Variants in CHDH observed in about 807,000 individuals in gnomAD.
CHDH encodes choline dehydrogenase, also known as choline dehydrogenase, mitochondrial.
Under a neutral mutation model 56.9 loss-of-function variants are expected in CHDH, and 43 were observed. That is an observed-to-expected ratio of 0.76 (90% CI 0.59 to 0.97). The LOEUF (loss-of-function observed/expected upper bound fraction) is 0.97. Among genes scored for constraint, CHDH ranks in the 50% least tolerant of loss-of-function variants. CHDH has a pLI of 0.00. For missense variants in CHDH, 816 were observed against 821.1 expected, an observed-to-expected ratio of 0.99 and a Z score of 0.08; for synonymous variants, 364 against 348.5, an observed-to-expected ratio of 1.04 and a Z score of -0.50.
chr3:53,818,124 G>A lies in CHDH; in HGVS notation c.1438C>T (p.Pro480Ser), dbSNP rs2095619137. 1 of 1,613,984 alleles carries A rather than the reference G, an allele frequency of 6.2e-7. No homozygotes were observed. The highest frequency in any genetic ancestry group is 8.5e-7 in the Non-Finnish European group (1 of 1,180,030). ...GGCTGGAGCTCTTTCCCTCGGAACG[G>A]AGCCAGGGCTTCCTGTGCAAAAATT... ...REIFAQEALAPFRGKELQPGS... is the reference protein window; with the variant it reads ...REIFAQEALASFRGKELQPGS... Residue 480 changes from proline to serine, a missense_variant, in exon 9 of 9, where the codon CCG becomes TCG. Transcript: ENST00000315251.
At chr3:53,820,211 C>T (rs979846651) in intron 6 of CHDH, among the ~76,000 whole-genome samples, 1 of 152,196 alleles carries the variant, frequency 6.6e-6, no homozygotes, top group Non-Finnish European at 1.5e-5. Flanking sequence ...AGGAGCAGCC[C>T]CTAAGCCCCG....
chr3:53,818,144 A>G lies in CHDH; in HGVS notation c.1418T>C (p.Phe473Ser). ...RLCVKLTREI[F>S]AQEALAPFRG... is the part of the protein sequence containing the mutation. ...GAACGGAGCCAGGGCTTCCTGTGCAAAAATTTCTCTGGTGAGCTTCACACA... is the reference window on the plus strand; with the variant it reads ...GAACGGAGCCAGGGCTTCCTGTGCAGAAATTTCTCTGGTGAGCTTCACACA... The change falls in exon 9 of 9, where the codon TTT becomes TCT. Residue 473 changes from phenylalanine (F) to serine (S), a missense_variant. Physicochemically the swap from Phe to Ser is radical, Grantham distance 155. Transcript: ENST00000315251. 6.2e-7 allele frequency: 1 copy of G among 1,613,458 alleles called. No homozygotes were observed. Among genetic ancestry groups the G allele is most frequent in the Non-Finnish European group, 8.5e-7 (1 of 1,179,844 alleles).
chr3:53,818,053 C>T lies in CHDH; in HGVS notation c.1509G>A (p.Arg503=), dbSNP rs1178400213. 1.2e-6 allele frequency: 2 copies of T among 1,614,214 alleles called. No homozygotes were observed. Among genetic ancestry groups the T allele is most frequent in the South Asian group, 2.2e-5 (2 of 91,088 alleles). The change falls in exon 9 of 9, where the codon CGG becomes CGA. Residue 503 remains arginine, a synonymous_variant. Coordinates refer to ENST00000315251, the MANE Select transcript of CHDH (RefSeq NM_018397.5). The stretch of plus-strand genomic sequence containing the variant: ...GGTGGTAGGCGCTGTCGGCTTTTGC[C>T]CGCACAAAGGCATCTATCTCTTTAT... The part of the protein sequence containing the change: ...QSDKEIDAFV[R]AKADSAYHPS...
At chr3:53,835,793 C>T (rs1293738135) in intron 2 of CHDH, among the ~76,000 whole-genome samples, 1 of 152,160 alleles carries the variant, frequency 6.6e-6, no homozygotes, top group Non-Finnish European at 1.5e-5. Context: ...ATTTAAGTCA[C>T]CAAAGATGCT....
chr3:53,846,006 C>G (rs1258612158), intron 1 of CHDH, 77 bp downstream of exon 1: 1 of 152,248 alleles, frequency 6.6e-6, no homozygotes, highest in East Asian at 1.9e-4. Flanking sequence ...CCCAAACCTC[C>G]GGCCCCCAGG....
chr3:53,835,984 C>T (rs937795346), intron 2 of CHDH, among the ~76,000 whole-genome samples: 5 of 152,162 alleles, frequency 3.3e-5, no homozygotes, highest in African/African-American at 1.2e-4. Flanking sequence ...AGTCAGCATG[C>T]AAAAAGGTGC....
At position 53,839,749 on chromosome 3, in the gene CHDH, A is replaced by T. The variant is rs141499437; in HGVS notation, c.-60+1180T>A. Among the ~76,000 whole-genome samples, 394 of 152,374 alleles carry T rather than the reference A, an allele frequency of 2.6e-3. 3 individuals are homozygous for T. Among genetic ancestry groups the T allele is most frequent in the African/African-American group, 8.9e-3 (372 of 41,574 alleles). ...GAAAGGAAGTCAATATATCAAAGAG[A>T]TATCTGCACATTCATGTTTACTGCA... is the stretch of plus-strand genomic sequence containing the variant. On this transcript the variant is annotated intron_variant, in intron 2 of 8. Coordinates refer to ENST00000315251, the MANE Select transcript of CHDH (RefSeq NM_018397.5).
chr3:53,835,939 C>A (rs1427013250), intron 2 of CHDH, among the ~76,000 whole-genome samples: 2 of 152,168 alleles, frequency 1.3e-5, no homozygotes, highest in African/African-American at 4.8e-5. Context: ...ACAGGCCCAG[C>A]CAACAAAGCC....
Position 53,823,446 on chromosome 3 carries a change from C to A in CHDH, c.563G>T (p.Arg188Leu). Residue 188 changes from arginine (R) to leucine (L), a missense_variant, in exon 3 of 9, where the codon CGG becomes CTG. Coordinates refer to ENST00000315251, the MANE Select transcript of CHDH (RefSeq NM_018397.5). Reference protein sequence around the residue: ...SRYRGADGPLRVSRGKTNHPL... With the variant: ...SRYRGADGPLLVSRGKTNHPL... ...GTGGTTGGTCTTGCCCCGGGACACC[C>A]GCAGCGGGCCATCGGCGCCCCGGTA... 1 of 1,567,744 alleles carries A rather than the reference C, an allele frequency of 6.4e-7. No individual in the cohort carries two copies. The highest frequency in any genetic ancestry group is 8.6e-7 in the Non-Finnish European group (1 of 1,156,804).
In CHDH at chr3:53,817,178, C is replaced by G. The variant is rs2095617347; in HGVS notation, c.*599G>C. 3 of 153,442 alleles carry G rather than the reference C, an allele frequency of 2.0e-5. No homozygotes were observed. The allele number at this position is 153,442 out of a possible 1,614,324, so 9.5% of individuals were successfully genotyped here. A position where few individuals can be genotyped will look rare whatever the true frequency, so the allele number is the denominator to read the frequency against. ...CCTCTCAGAGTGACCCAGTGGAGCCCCAGTTACCTGCCTCACTCTGAGAGT... is the reference window on the plus strand; with the variant it reads ...CCTCTCAGAGTGACCCAGTGGAGCCGCAGTTACCTGCCTCACTCTGAGAGT... On this transcript the variant is annotated 3_prime_UTR_variant, in exon 9 of 9. Coordinates refer to ENST00000315251, the MANE Select transcript of CHDH (RefSeq NM_018397.5).
At chr3:53,820,137 T>C (rs1366859806) in intron 6 of CHDH, among the ~76,000 whole-genome samples, 1 of 152,196 alleles carries the variant, frequency 6.6e-6, no homozygotes, top group Non-Finnish European at 1.5e-5. Flanking sequence ...TCTCCACCTT[T>C]TCTCCTGGCT....
At position 53,823,377 on chromosome 3, in the gene CHDH, T is replaced by C. The variant is rs1364984630; in HGVS notation, c.632A>G (p.Tyr211Cys). ...AFLEATQQAG[Y>C]PLTEDMNGFQ... ...GCCATTCATGTCCTCGGTGAGCGGG[T>C]AGCCGGCCTGCTGCGTGGCCTCCAG... Residue 211 changes from tyrosine to cysteine, a missense_variant, in exon 3 of 9, where the codon TAC (tyrosine) becomes TGC (cysteine). Tyr to Cys is a radical substitution (Grantham distance 194). Coordinates refer to ENST00000315251, the MANE Select transcript of CHDH (RefSeq NM_018397.5). The C allele has an allele frequency of 6.2e-7, 1 of 1,605,870 alleles. No individual in the cohort carries two copies. Among genetic ancestry groups the C allele is most frequent in the Non-Finnish European group, 8.5e-7 (1 of 1,175,686 alleles).
intron 6 of CHDH, 73 bp downstream of exon 6, chr3:53,820,401 G>C (rs2095623923): frequency 6.5e-7 from 1 of 1,527,356 alleles, no homozygotes; most frequent in Non-Finnish European, 8.8e-7. Context: ...CAGAACCCCT[G>C]TTCAGCTCCT....
At chr3:53,820,678 G>A in intron 5 of CHDH, 70 bp from the exon 6 acceptor site, 1 of 1,548,380 alleles carries the variant, frequency 6.5e-7, no homozygotes, top group Non-Finnish European at 8.7e-7. Context: ...TATCCCCCCG[G>A]TTTTGAAAAA....
chr3:53,832,258 A>G (rs898556887), intron 2 of CHDH, among the ~76,000 whole-genome samples: 54 of 152,334 alleles, frequency 3.5e-4, no homozygotes, highest in Middle Eastern at 3.4e-3. Flanking sequence ...AGGGCCGGGC[A>G]TGGTGGCTCA....
In CHDH at chr3:53,813,731, A is replaced by G. The variant is rs2095610587; in HGVS notation, c.*4046T>C. The G allele has an allele frequency of 6.6e-6, 1 of 152,228 alleles. No individual in the cohort carries two copies. The highest frequency in any genetic ancestry group is 2.4e-5 in the African/African-American group (1 of 41,458). 9.4% of individuals were successfully genotyped at this position (152,228 alleles called of 1,614,324 possible). A position where few individuals can be genotyped will look rare whatever the true frequency, so the allele number is the denominator to read the frequency against. The stretch of plus-strand genomic sequence containing the variant: ...AATATTAAATTTTTCTTTGTAAGAA[A>G]AATTTGAAGTTGTAGAGCATGGTTT... On this transcript the variant is annotated 3_prime_UTR_variant, in exon 9 of 9. Transcript: ENST00000315251.
Position 53,819,740 on chromosome 3 carries a change from T to C in CHDH, c.1121-66A>G. The C allele has an allele frequency of 6.8e-7, 1 of 1,474,030 alleles. No homozygotes were observed. The highest frequency in any genetic ancestry group is 9.0e-7 in the Non-Finnish European group (1 of 1,107,236). 91.3% of individuals were successfully genotyped at this position (1,474,030 alleles called of 1,614,324 possible). A position where few individuals can be genotyped will look rare whatever the true frequency, so the allele number is the denominator to read the frequency against. On this transcript the variant is annotated intron_variant, in intron 6 of 8. Transcript: ENST00000315251. This position sits in a 1 kb window ranked among gnomAD's most constrained non-coding sequence, Gnocchi z 5.4. ...CCGTGGCAGGTGGGCCGGCTGCTCCTGGTTTCCCTCCTTTCTCCTGGCCGC... is the reference window on the plus strand; with the variant it reads ...CCGTGGCAGGTGGGCCGGCTGCTCCCGGTTTCCCTCCTTTCTCCTGGCCGC...
intron 3 of CHDH, among the ~76,000 whole-genome samples, chr3:53,823,034 C>G (rs917571586): frequency 7.9e-5 from 12 of 152,160 alleles, no homozygotes; most frequent in African/African-American, 2.7e-4. Flanking sequence ...GAGTTAGGCT[C>G]TCTGTCCAGA....
Position 53,819,622 on chromosome 3 carries a change from A to G in CHDH, c.1173T>C (p.Pro391=). ...LETGGFIRSQ[P]GVPHPDIQFH... ...ACTGGATGTCCGGGTGGGGGACCCCAGGCTGGCTGCGGATGAACCCACCTG... is the reference window on the plus strand; with the variant it reads ...ACTGGATGTCCGGGTGGGGGACCCCGGGCTGGCTGCGGATGAACCCACCTG... Residue 391 remains proline, a synonymous_variant, in exon 7 of 9, where the codon CCT becomes CCC. Transcript: ENST00000315251. This position sits in a 1 kb window ranked among gnomAD's most constrained non-coding sequence, Gnocchi z 5.4. 1.2e-6 allele frequency: 2 copies of G among 1,612,608 alleles called. No homozygotes were observed. The highest frequency in any genetic ancestry group is 1.7e-6 in the Non-Finnish European group (2 of 1,179,174).
Sources: allele counts gnomAD v4.1 joint callset (sites outside exome capture counted in the v4.1 genomes callset), GRCh38; gene constraint gnomAD v4.1.1; non-coding constraint Gnocchi (gnomAD v3.1); transcripts MANE v1.5; gene names NCBI Gene and HGNC (gene_info 2026-07-23, HGNC 2026-07-21).